ZNF714: variants seen among roughly 807,000 people sequenced by gnomAD.
The protein encoded by ZNF714 is zinc finger protein 714.
A neutral mutation model predicts 46.2 loss-of-function variants in ZNF714; 32 were observed. The observed-to-expected ratio is 0.69, with a 90% CI of 0.52 to 0.93. The LOEUF is 0.93. Ranked by LOEUF, ZNF714 falls within the 40% of genes least tolerant of loss-of-function variation. The probability of loss-of-function intolerance (pLI) is 0.00; values close to 1 mark genes in which losing one functional copy is unlikely to be tolerated. For synonymous variants in ZNF714, 199 were observed against 213.1 expected, an observed-to-expected ratio of 0.93 and a Z score of 0.58; for missense variants, 635 against 646.3, an observed-to-expected ratio of 0.98 and a Z score of 0.19.
At chr19:21,100,516 G>A (rs1271322968) in intron 4 of ZNF714, among the ~76,000 whole-genome samples, 1 of 151,898 alleles carries the variant, frequency 6.6e-6, no homozygotes, top group African/African-American at 2.4e-5. Context: ...TGGGCAGCAT[G>A]AGCAAAACTC....
Position 21,118,031 on chromosome 19 carries a change from A to G in ZNF714, c.1367A>G (p.Glu456Gly). 6.2e-7 allele frequency: 1 copy of G among 1,613,918 alleles called. No individual in the cohort carries two copies. Among genetic ancestry groups the G allele is most frequent in the Non-Finnish European group, 8.5e-7 (1 of 1,180,002 alleles). The change falls in exon 5 of 5, where the codon GAA (glutamate) becomes GGA (glycine). Residue 456 changes from glutamate (E) to glycine (G), a missense_variant. Coordinates refer to ENST00000456283, the MANE Select transcript of ZNF714 (RefSeq NM_182515.4). The part of the protein sequence containing the change: ...IHTGEKPYKC[E>G]ECGKAFNRSS... Reference sequence around the variant, plus strand: ...ACTGGAGAGAAACCCTACAAATGTGAAGAATGTGGCAAAGCTTTCAACCGA... The same window carrying G: ...ACTGGAGAGAAACCCTACAAATGTGGAGAATGTGGCAAAGCTTTCAACCGA...
chr19:21,098,311 G>T lies in ZNF714; in HGVS notation c.43G>T (p.Ala15Ser). Residue 15 changes from alanine to serine, a missense_variant and splice_region_variant, in exon 3 of 5, where the codon GCA (alanine) becomes TCA (serine). Ala to Ser is a moderately conservative substitution (Grantham distance 99). Coordinates refer to ENST00000456283, the MANE Select transcript of ZNF714 (RefSeq NM_182515.4). Reference sequence around the variant, plus strand: ...GAACTACAAAAACCTGGTCTTCTTGGGTGAGAATAACTTTAATACATAAGT... The same window carrying T: ...GAACTACAAAAACCTGGTCTTCTTGTGTGAGAATAACTTTAATACATAAGT... ...LENYKNLVFL[A>S]GIAVSKQDPI... is the part of the protein sequence containing the mutation. The T allele has an allele frequency of 6.2e-7, 1 of 1,610,560 alleles. No individual in the cohort carries two copies. Among genetic ancestry groups the T allele is most frequent in the Non-Finnish European group, 8.5e-7 (1 of 1,179,278 alleles).
rs1392614535 is a variant in ZNF714 at position 21,124,192 on chromosome 19, G to A, written c.*5860G>A. The A allele has an allele frequency of 6.6e-6, 1 of 152,090 alleles. No individual in the cohort carries two copies. The highest frequency in any genetic ancestry group is 1.5e-5 in the Non-Finnish European group (1 of 68,034). The allele number at this position is 152,090 out of a possible 1,614,324, so 9.4% of individuals were successfully genotyped here. A position where few individuals can be genotyped will look rare whatever the true frequency, so the allele number is the denominator to read the frequency against. On this transcript the variant is annotated 3_prime_UTR_variant, in exon 5 of 5. Coordinates refer to ENST00000456283, the MANE Select transcript of ZNF714 (RefSeq NM_182515.4). ...GTTCCTATGGTTATGACTGACAAAT[G>A]ACAATAATAGCCCCAAAATACATAT... is the stretch of plus-strand genomic sequence containing the variant.
Position 21,117,739 on chromosome 19 carries a change from C to T in ZNF714, c.1075C>T (p.His359Tyr), listed in dbSNP as rs750461835. ...AFNVSSHLTTHKMIHTGEKPY... is the reference protein window; with the variant it reads ...AFNVSSHLTTYKMIHTGEKPY... ...TAATGTGTCTTCACACCTTACTACACATAAGATGATTCATACTGGAGAGAA... is the reference window on the plus strand; with the variant it reads ...TAATGTGTCTTCACACCTTACTACATATAAGATGATTCATACTGGAGAGAA... The change falls in exon 5 of 5, where the codon CAT (histidine) becomes TAT (tyrosine). Residue 359 changes from histidine to tyrosine, a missense_variant. Transcript: ENST00000456283. The T allele has an allele frequency of 1.9e-6, 3 of 1,613,544 alleles. No homozygotes were observed. Among genetic ancestry groups the T allele is most frequent in the Admixed American group, 3.3e-5 (2 of 59,994 alleles).
At chr19:21,102,702 C>A (rs1969210533) in intron 4 of ZNF714, among the ~76,000 whole-genome samples, 1 of 151,934 alleles carries the variant, frequency 6.6e-6, no homozygotes, top group African/African-American at 2.4e-5. Flanking sequence ...TTCGAAATAC[C>A]TGCCTTCCAT....
rs1969104660 is a variant in ZNF714 at position 21,098,899 on chromosome 19, A to G, written c.131A>G (p.Asp44Gly). Residue 44 changes from aspartate (D) to glycine (G), a missense_variant, in exon 4 of 5, where the codon GAT (aspartate) becomes GGT (glycine). Transcript: ENST00000456283. ...AATATGAAGATATGTGAGATGGTGG[A>G]TGAATCCCCAGGTAGGTGAGAGTGA... ...PWNMKICEMV[D>G]ESPAMCSSFT... is the part of the protein sequence containing the mutation. 2.5e-6 allele frequency: 4 copies of G among 1,594,854 alleles called. No homozygotes were observed. Among genetic ancestry groups the G allele is most frequent in the Non-Finnish European group, 3.4e-6 (4 of 1,167,710 alleles).
chr19:21,114,954 G>C (rs555118001), intron 4 of ZNF714, among the ~76,000 whole-genome samples: 29 of 150,656 alleles, frequency 1.9e-4, no homozygotes, highest in Non-Finnish European at 3.6e-4. Context: ...TTGTATCTTT[G>C]TTCCTCATTT....
chr19:21,098,043 T>C, intron 2 of ZNF714, 142 bp from the exon 3 acceptor site: 2 of 1,256,358 alleles, frequency 1.6e-6, no homozygotes, highest in Non-Finnish European at 2.1e-6. Flanking sequence ...TATTTCTGTG[T>C]TAAAAATTAT....
chr19:21,095,849 A>G (rs1300712812), intron 2 of ZNF714, among the ~76,000 whole-genome samples: 3 of 151,934 alleles, frequency 2.0e-5, no homozygotes, highest in Non-Finnish European at 4.4e-5. Context: ...GGGTCTGATC[A>G]CCCCAAGAGG....
chr19:21,110,053 G>GT (rs1969415207), intron 4 of ZNF714, among the ~76,000 whole-genome samples: 1 of 151,958 alleles, frequency 6.6e-6, no homozygotes, highest in South Asian at 2.1e-4. Context: ...CTGCAGTGAA[G>GT]ATACACATCC....
intron 2 of ZNF714, among the ~76,000 whole-genome samples, chr19:21,095,784 T>G (rs1199673096): frequency 1.3e-5 from 2 of 152,190 alleles, no homozygotes; most frequent in Non-Finnish European, 2.9e-5. Flanking sequence ...TCAAACTGTC[T>G]TTTTTCTCAA....
At chr19:21,091,383 T>C (rs2144829411) in intron 2 of ZNF714, 1 of 152,324 alleles carries the variant, frequency 6.6e-6, no homozygotes, top group African/African-American at 2.4e-5. Flanking sequence ...CTGTATCTTA[T>C]GCTGACCTTC....
In ZNF714 at chr19:21,117,738, A is replaced by C. The variant is rs767562921; in HGVS notation, c.1074A>C (p.Thr358=). 1.2e-6 allele frequency: 2 copies of C among 1,613,604 alleles called. No individual in the cohort carries two copies. The highest frequency in any genetic ancestry group is 1.7e-6 in the Non-Finnish European group (2 of 1,179,844). The change falls in exon 5 of 5, where the codon ACA becomes ACC. Residue 358 remains threonine (T), a synonymous_variant. Transcript: ENST00000456283. ...KAFNVSSHLT[T]HKMIHTGEKP... ...TTAATGTGTCTTCACACCTTACTAC[A>C]CATAAGATGATTCATACTGGAGAGA...
intron 4 of ZNF714, among the ~76,000 whole-genome samples, chr19:21,109,125 A>G (rs1969388239): frequency 6.6e-6 from 1 of 152,088 alleles, no homozygotes; most frequent in Non-Finnish European, 1.5e-5. Context: ...GTTACTTTCA[A>G]CCTATTTGAC....
chr19:21,112,514 AAAAC>A (rs1399057896), intron 4 of ZNF714, among the ~76,000 whole-genome samples: 2 of 150,280 alleles, frequency 1.3e-5, no homozygotes, highest in African/African-American at 5.0e-5. Flanking sequence ...TTTTGTCAAA[AAAAC>A]AGCTCCTGGA....
At chr19:21,088,753 T>C (rs531345663) in intron 2 of ZNF714, among the ~76,000 whole-genome samples, 1 of 152,318 alleles carries the variant, frequency 6.6e-6, no homozygotes, top group Non-Finnish European at 1.5e-5. Context: ...AGGTTTTTCT[T>C]TGTCAGTTTC....
rs1968718720 is a variant in ZNF714, at chr19:21,084,026, C to T, written c.-128C>T. ...TCCTCTCAAGGGAGCAAGTGGATCC[C>T]TGGGGCAGAGAGGAAGCTTCTAGTG... is the stretch of plus-strand genomic sequence containing the variant. On this transcript the variant is annotated 5_prime_UTR_variant, in exon 2 of 5. Transcript: ENST00000456283. 8.0e-7 allele frequency: 1 copy of T among 1,250,598 alleles called. No individual in the cohort carries two copies. The highest frequency in any genetic ancestry group is 1.0e-6 in the Non-Finnish European group (1 of 973,854). 77.5% of individuals were successfully genotyped at this position (1,250,598 alleles called of 1,614,324 possible).
chr19:21,082,661 T>G (rs6511189), intron 1 of ZNF714, among the ~76,000 whole-genome samples: 151,273 of 152,128 alleles, frequency 0.99, 75,224 homozygotes, highest in Middle Eastern at 1. Flanking sequence ...GTCCCAGGGG[T>G]AGAATCCTGA....
rs562897692 is a variant in ZNF714 at position 21,117,238 on chromosome 19, A to G, written c.574A>G (p.Lys192Glu). 16 of 1,614,102 alleles carry G rather than the reference A, an allele frequency of 9.9e-6. No individual in the cohort carries two copies. The highest frequency in any genetic ancestry group is 2.2e-5 in the East Asian group (1 of 44,864). ...FKRFSTLTRHKRVHTGEKPFK... is the reference protein window; with the variant it reads ...FKRFSTLTRHERVHTGEKPFK... ...GCGGTTCTCAACCCTTACTAGACAC[A>G]AGAGAGTTCATACTGGAGAGAAACC... Residue 192 changes from lysine (K) to glutamate (E), a missense_variant, in exon 5 of 5, where the codon AAG (lysine) becomes GAG (glutamate). By Grantham distance (56) the Lys-to-Glu change is moderately conservative. Transcript: ENST00000456283.
Sources: allele counts gnomAD v4.1 joint callset (sites outside exome capture counted in the v4.1 genomes callset), GRCh38; gene constraint gnomAD v4.1.1; transcripts MANE v1.5; gene names NCBI Gene and HGNC (gene_info 2026-07-23, HGNC 2026-07-21).